The following CD5L variants were observed in gnomAD, a reference collection of about 807,000 sequenced individuals.
CD5L encodes the protein CD5 molecule like.
In CD5L, 39 loss-of-function variants were observed where a neutral mutation model predicts 40.8. The ratio of observed to expected loss-of-function variants is 0.96; its 90% CI spans 0.74 to 1.25. The LOEUF (loss-of-function observed/expected upper bound fraction) is 1.25. CD5L is among the 50% of genes most tolerant of loss of function. The pLI is 0.00. For synonymous variants in CD5L, 192 were observed against 169.6 expected, an observed-to-expected ratio of 1.13 and a Z score of -1.03; for missense variants, 433 against 435.9, an observed-to-expected ratio of 0.99 and a Z score of 0.06.
In CD5L at chr1:157,834,484, G is replaced by T; in HGVS notation, c.641C>A (p.Thr214Asn). Residue 214 changes from threonine (T) to asparagine (N), a missense_variant, in exon 4 of 6, where the codon ACC (threonine) becomes AAC (asparagine). By Grantham distance (65) the Thr-to-Asn change is moderately conservative (BLOSUM62 0). Transcript: ENST00000368174. ...SQMSCSGREA[T>N]LQDCPSGPWG... ...AGGCCCAGAAGGGCAATCCTGAAGG[G>T]TTGCTTCTCGTCCTGAGCATGACAT... The T allele has an allele frequency of 6.2e-7, 1 of 1,614,192 alleles. No individual in the cohort carries two copies. Among genetic ancestry groups the T allele is most frequent in the Non-Finnish European group, 8.5e-7 (1 of 1,180,046 alleles).
chr1:157,827,800 G>A (rs1655942627), downstream of CD5L, among the ~76,000 whole-genome samples: 2 of 152,184 alleles, frequency 1.3e-5, no homozygotes, highest in South Asian at 4.1e-4. Context: ...AAGTGTTAAG[G>A]AGGAGAAAAA....
At chr1:157,829,324 T>C (rs1306315358), downstream of CD5L, among the ~76,000 whole-genome samples, 6 of 152,338 alleles carry the variant, frequency 3.9e-5, no homozygotes, top group South Asian at 6.2e-4. Context: ...TTGAGAATAA[T>C]TGAAAGTTCA....
chr1:157,838,586 C>T (rs901504524), intron 2 of CD5L, among the ~76,000 whole-genome samples: 1 of 151,346 alleles, frequency 6.6e-6, no homozygotes, highest in African/African-American at 2.4e-5. Context: ...AATAAGTAAA[C>T]AAGAAATTCA....
Position 157,831,460 on chromosome 1 carries a change from C to G in CD5L, c.*504G>C. The stretch of plus-strand genomic sequence containing the variant: ...TTGAGGAAAAAAAAAAAAAGTAGTC[C>G]AATCAAAAGAATTCTAAACTTTCCC... On this transcript the variant is annotated 3_prime_UTR_variant, in exon 6 of 6. Transcript: ENST00000368174. The G allele has an allele frequency of 2.0e-6, 2 of 985,048 alleles. No homozygotes were observed. Among genetic ancestry groups the G allele is most frequent in the Non-Finnish European group, 2.4e-6 (2 of 829,836 alleles). The allele number at this position is 985,048 out of a possible 1,614,324, so 61.0% of individuals were successfully genotyped here. A position where few individuals can be genotyped will look rare whatever the true frequency, so the allele number is the denominator to read the frequency against.
In CD5L at chr1:157,833,277, C is replaced by A; in HGVS notation, c.954G>T (p.Glu318Asp). 6.2e-7 allele frequency: 1 copy of A among 1,614,168 alleles called. No individual in the cohort carries two copies. The part of the protein sequence containing the change: ...IWLDNVRCSG[E>D]EQSLEQCQHR... The stretch of plus-strand genomic sequence containing the variant: ...GCTGGCACTGCTCCAGGGACTGCTC[C>A]TCCCCTGAGCAACGAACATTATCCA... The change falls in exon 5 of 6, where the codon GAG (glutamate) becomes GAT (aspartate). Residue 318 changes from glutamate to aspartate, a missense_variant. Coordinates refer to ENST00000368174, the MANE Select transcript of CD5L (RefSeq NM_005894.3).
At position 157,841,754 on chromosome 1, in the gene CD5L, C is replaced by A; in HGVS notation, c.-53G>T. ...GAAATTTAAGGCTAGAAGGAGGTCC[C>A]CAAGCAGCAATATTTAGTTTTAGCT... On this transcript the variant is annotated 5_prime_UTR_variant, in exon 1 of 6. Coordinates refer to ENST00000368174, the MANE Select transcript of CD5L (RefSeq NM_005894.3). 2.0e-6 allele frequency: 3 copies of A among 1,523,532 alleles called. No homozygotes were observed. The highest frequency in any genetic ancestry group is 2.7e-6 in the Non-Finnish European group (3 of 1,101,912). 94.4% of individuals were successfully genotyped at this position (1,523,532 alleles called of 1,614,324 possible).
At chr1:157,838,899 G>A (rs1656290345) in intron 2 of CD5L, among the ~76,000 whole-genome samples, 1 of 152,152 alleles carries the variant, frequency 6.6e-6, no homozygotes, top group Admixed American at 6.5e-5. Flanking sequence ...TTTATCATTT[G>A]TGCATTACCC....
intron 2 of CD5L, among the ~76,000 whole-genome samples, chr1:157,838,786 C>A (rs2101940803): frequency 6.6e-6 from 1 of 152,090 alleles, no homozygotes; most frequent in South Asian, 2.1e-4. Flanking sequence ...TATGATCAAG[C>A]AGAAGGGGAG....
chr1:157,834,732 G>A lies in CD5L; in HGVS notation c.393C>T (p.Phe131=). The A allele has an allele frequency of 6.2e-7, 1 of 1,613,222 alleles. No individual in the cohort carries two copies. The highest frequency in any genetic ancestry group is 1.1e-5 in the South Asian group (1 of 91,056). The part of the protein sequence containing the change: ...GASCENPESS[F]SPVPEGVRLA... ...GCCTGACACCCTCTGGGACTGGGGAGAAAGAGCTCTCTGGGTCTGAGGGGA... is the reference window on the plus strand; with the variant it reads ...GCCTGACACCCTCTGGGACTGGGGAAAAAGAGCTCTCTGGGTCTGAGGGGA... Residue 131 remains phenylalanine (F), a synonymous_variant, in exon 4 of 6, where the codon TTC becomes TTT. Coordinates refer to ENST00000368174, the MANE Select transcript of CD5L (RefSeq NM_005894.3).
At position 157,836,169 on chromosome 1, in the gene CD5L, G is replaced by C; in HGVS notation, c.56-14C>G. On this transcript the variant is annotated splice_polypyrimidine_tract_variant and intron_variant, in intron 2 of 5. Transcript: ENST00000368174. ...CAGATGGAGACGCTGCAAAGAGACGGGTTGTTAGCTAGAGGCCTGAGAGGA... is the reference window on the plus strand; with the variant it reads ...CAGATGGAGACGCTGCAAAGAGACGCGTTGTTAGCTAGAGGCCTGAGAGGA... The C allele has an allele frequency of 6.2e-7, 1 of 1,603,426 alleles. No homozygotes were observed. Among genetic ancestry groups the C allele is most frequent in the Non-Finnish European group, 8.5e-7 (1 of 1,174,362 alleles).
intron 1 of CD5L, among the ~76,000 whole-genome samples, chr1:157,839,994 T>C (rs1316478940): frequency 6.6e-6 from 1 of 152,230 alleles, no homozygotes; most frequent in Non-Finnish European, 1.5e-5. Context: ...AACAGCCACA[T>C]ATATGTATGC....
downstream of CD5L, among the ~76,000 whole-genome samples, chr1:157,827,495 A>T (rs1406944067): frequency 6.6e-6 from 1 of 152,184 alleles, no homozygotes; most frequent in Non-Finnish European, 1.5e-5. Context: ...GGCACCAAGT[A>T]TAAGTCCCAG....
rs532766200 is a variant in CD5L, at chr1:157,838,514, A to G, written c.55+870T>C. ...AATTTTTAATCAATTTTCATTTTCT[A>G]TGGGGTAGAAGACTAAAATAGCCAT... On this transcript the variant is annotated intron_variant, in intron 2 of 5. Coordinates refer to ENST00000368174, the MANE Select transcript of CD5L (RefSeq NM_005894.3). 2.6e-4 allele frequency among the ~76,000 whole-genome samples: 40 copies of G among 152,182 alleles called. No homozygotes were observed. In the Middle Eastern group the frequency reaches 0.01, roughly 39 times the overall value.
chr1:157,840,087 G>A (rs985074199), intron 1 of CD5L, among the ~76,000 whole-genome samples: 7 of 152,126 alleles, frequency 4.6e-5, no homozygotes, highest in African/African-American at 4.8e-5. Context: ...TCATAAAATA[G>A]TATTTCTCTT....
downstream of CD5L, among the ~76,000 whole-genome samples, chr1:157,827,098 GTAAA>G (rs1331481659): frequency 1.3e-5 from 2 of 152,040 alleles, no homozygotes. Context: ...CTTTATTATT[GTAAA>G]TAAAGTTACC....
chr1:157,835,690 T>A (rs753569641), intron 3 of CD5L, 145 bp downstream of exon 3: 8 of 672,302 alleles, frequency 1.2e-5, no homozygotes, highest in Non-Finnish European at 2.1e-5. Context: ...TCTCCAGCAC[T>A]GACAGTTGGG....
At chr1:157,835,091 T>C (rs1251188225) in intron 3 of CD5L, among the ~76,000 whole-genome samples, 1 of 152,280 alleles carries the variant, frequency 6.6e-6, no homozygotes, top group Admixed American at 6.5e-5. Context: ...CAAATGCTTT[T>C]TGGTTCATTG....
chr1:157,839,900 T>C (rs1399768214), intron 1 of CD5L, among the ~76,000 whole-genome samples: 1 of 152,164 alleles, frequency 6.6e-6, no homozygotes, highest in Admixed American at 6.5e-5. Context: ...ACTCTTACTG[T>C]AAGAGGCCAG....
intron 4 of CD5L, 56 bp downstream of exon 4, chr1:157,834,351 G>A: frequency 7.1e-7 from 1 of 1,411,072 alleles, no homozygotes; most frequent in Non-Finnish European, 9.7e-7. Context: ...GTTTGAATGA[G>A]ATTCCACATA....
Sources: gnomAD v4.1 joint callset for allele counts (sites outside exome capture counted in the v4.1 genomes callset) on GRCh38, gnomAD v4.1.1 for gene constraint, MANE v1.5 for transcripts, NCBI Gene and HGNC (gene_info 2026-07-23, HGNC 2026-07-21) for gene names.